DLG2: variants seen among roughly 807,000 people sequenced by gnomAD.
DLG2 encodes the protein disks large homolog 2.
DLG2 carries 45 observed loss-of-function variants against 132.5 expected under a neutral mutation model. That is an observed-to-expected ratio of 0.34 (90% CI 0.27 to 0.44). DLG2 has a LOEUF of 0.44. Ranked by LOEUF, DLG2 falls within the 20% of genes least tolerant of loss-of-function variation. DLG2 has a pLI of 1.00. For missense variants in DLG2, 1,045 were observed against 1,196.9 expected, an observed-to-expected ratio of 0.87 and a Z score of 1.87; for synonymous variants, 424 against 419.6, an observed-to-expected ratio of 1.01 and a Z score of -0.13.
intron 6 of DLG2, among the ~76,000 whole-genome samples, chr11:85,105,009 G>T (rs1289209044): frequency 1.3e-5 from 2 of 151,476 alleles, no homozygotes; most frequent in Non-Finnish European, 2.9e-5. Context: ...GAAAGAGGAA[G>T]CTGGGGACAC....
chr11:84,468,939 A>G (rs192025532), intron 7 of DLG2, among the ~76,000 whole-genome samples: 2 of 151,512 alleles, frequency 1.3e-5, no homozygotes, highest in African/African-American at 4.8e-5. Context: ...TCAGGTAGTA[A>G]ATTCCTAGTT....
At position 83,857,303 on chromosome 11, in the gene DLG2, C is replaced by T. The variant is rs1344489933; in HGVS notation, c.1565+17117G>A. On this transcript the variant is annotated intron_variant, in intron 16 of 27. Coordinates refer to ENST00000376104, the MANE Select transcript of DLG2 (RefSeq NM_001142699.3). Reference sequence around the variant, plus strand: ...TATGATTGTTTTGGTTATTAAGGATCCTTTTTGGTTCCATATGATTTTAAA... The same window carrying T: ...TATGATTGTTTTGGTTATTAAGGATTCTTTTTGGTTCCATATGATTTTAAA... 3.3e-5 allele frequency among the ~76,000 whole-genome samples: 5 copies of T among 152,058 alleles called. No individual in the cohort carries two copies. In the East Asian group the frequency reaches 9.6e-4, roughly 29 times the overall value.
intron 6 of DLG2, among the ~76,000 whole-genome samples, chr11:84,719,353 T>TTC (rs147012671): frequency 2.0e-5 from 3 of 151,988 alleles, no homozygotes; most frequent in Admixed American, 2.0e-4. Flanking sequence ...CTCTCTCTCT[T>TTC]TCTCTCTCTC....
At chr11:83,547,922 T>C (rs2096280505) in intron 19 of DLG2, among the ~76,000 whole-genome samples, 1 of 152,092 alleles carries the variant, frequency 6.6e-6, no homozygotes, top group African/African-American at 2.4e-5. Flanking sequence ...TTGAGGAACA[T>C]GATAGAAGAA....
chr11:84,441,541 T>C (rs2099017345), intron 7 of DLG2, among the ~76,000 whole-genome samples: 1 of 152,224 alleles, frequency 6.6e-6, no homozygotes, highest in Admixed American at 6.5e-5. Flanking sequence ...TAGTTACTTC[T>C]ATACAAACTA....
chr11:83,473,112 G>A (rs980614319), intron 22 of DLG2, among the ~76,000 whole-genome samples: 2 of 152,116 alleles, frequency 1.3e-5, no homozygotes, highest in South Asian at 2.1e-4. Flanking sequence ...TTAGTTCAAG[G>A]AAAGGGTCCA....
chr11:85,373,586 C>T (rs549472256), intron 3 of DLG2, among the ~76,000 whole-genome samples: 3 of 152,296 alleles, frequency 2.0e-5, no homozygotes, highest in Non-Finnish European at 2.9e-5. Flanking sequence ...AGGAAGTTCA[C>T]GACATTTGCT....
intron 15 of DLG2, among the ~76,000 whole-genome samples, chr11:83,909,897 C>G (rs790357): frequency 6.6e-6 from 1 of 152,018 alleles, no homozygotes; most frequent in African/African-American, 2.4e-5. Flanking sequence ...TCTTCCTCTA[C>G]TCCAGGGAAG....
At chr11:83,532,421 A>G (rs2095776249) in intron 21 of DLG2, among the ~76,000 whole-genome samples, 6 of 152,114 alleles carry the variant, frequency 3.9e-5, no homozygotes, top group African/African-American at 1.4e-4. Flanking sequence ...TAAAGAAACA[A>G]AAACCACCTA....
chr11:85,074,108 G>A (rs1305515033), intron 6 of DLG2, among the ~76,000 whole-genome samples: 1 of 151,680 alleles, frequency 6.6e-6, no homozygotes, highest in Non-Finnish European at 1.5e-5. Context: ...GAGAGTAGGA[G>A]GAAGGTGAGG....
At chr11:84,154,126 T>C (rs1213410420) in intron 9 of DLG2, among the ~76,000 whole-genome samples, 3 of 152,166 alleles carry the variant, frequency 2.0e-5, no homozygotes, top group Non-Finnish European at 4.4e-5. Context: ...GCCTCCCAAG[T>C]AGCTGGGACT....
chr11:84,533,348 A>G (rs2099347339), intron 7 of DLG2, among the ~76,000 whole-genome samples: 2 of 152,230 alleles, frequency 1.3e-5, no homozygotes, highest in African/African-American at 4.8e-5. Context: ...TTTCTTCTCC[A>G]GGTTAAACAT....
At chr11:84,545,179 G>A in intron 6 of DLG2, 3 of 455,274 alleles carry the variant, frequency 6.6e-6, no homozygotes, top group South Asian at 5.1e-5. Flanking sequence ...GGAACCACGA[G>A]AGCCTCCTTG....
chr11:85,371,220 A>C (rs955229411), intron 3 of DLG2, among the ~76,000 whole-genome samples: 1 of 152,242 alleles, frequency 6.6e-6, no homozygotes. Context: ...ATGAATATCA[A>C]GCAAAACAGG....
intron 10 of DLG2, among the ~76,000 whole-genome samples, chr11:84,066,746 G>C (rs912630516): frequency 5.9e-5 from 9 of 151,926 alleles, no homozygotes; most frequent in African/African-American, 1.9e-4. Context: ...GGGCAACAAG[G>C]GCAAAACTCC....
intron 10 of DLG2, among the ~76,000 whole-genome samples, chr11:84,088,579 T>C (rs1423014999): frequency 6.6e-6 from 1 of 152,200 alleles, no homozygotes; most frequent in Admixed American, 6.5e-5. Context: ...AGAAATTTTC[T>C]TGTGTAACAT....
chr11:84,731,313 G>C (rs1452660509), intron 6 of DLG2, among the ~76,000 whole-genome samples: 1 of 151,978 alleles, frequency 6.6e-6, no homozygotes, highest in Non-Finnish European at 1.5e-5. Flanking sequence ...CCAAGTTCGG[G>C]ATACAGTGGT....
At chr11:84,342,930 T>C (rs2098522163) in intron 7 of DLG2, among the ~76,000 whole-genome samples, 1 of 152,204 alleles carries the variant, frequency 6.6e-6, no homozygotes, top group Admixed American at 6.5e-5. Flanking sequence ...ATTTGATGCT[T>C]CAGATCCCTT....
intron 7 of DLG2, among the ~76,000 whole-genome samples, chr11:84,460,557 A>T (rs1291200377): frequency 6.6e-6 from 1 of 150,624 alleles, no homozygotes; most frequent in African/African-American, 2.4e-5. Flanking sequence ...CTATTAGAAA[A>T]ATTATCATTA....
Sources: allele counts gnomAD v4.1 joint callset (sites outside exome capture counted in the v4.1 genomes callset), GRCh38; gene constraint gnomAD v4.1.1; transcripts MANE v1.5; gene names NCBI Gene and HGNC (gene_info 2026-07-23, HGNC 2026-07-21).